Variants in SYN3 observed in about 807,000 individuals in gnomAD.
SYN3 encodes the protein synapsin-3.
SYN3 carries 35 observed loss-of-function variants against 65.8 expected under a neutral mutation model. The ratio of observed to expected loss-of-function variants is 0.53; its 90% CI spans 0.41 to 0.70. The LOEUF is 0.70. SYN3 is among the 30% of genes least tolerant of loss of function. SYN3 has a pLI of 0.00. For synonymous variants in SYN3, 270 were observed against 292.9 expected (o/e 0.92, Z 0.80); for missense variants, 680 against 749.0 (o/e 0.91, Z 1.08).
rs144948985 is a variant in SYN3, at chr22:32,507,864, T to G, written c.*5828A>C. On this transcript the variant is annotated 3_prime_UTR_variant, in exon 14 of 14. Transcript: ENST00000358763. ...TACACAACAAATGTTTCTTCTAACATCCCCACAATATCACCCCTTACCACG... is the reference window on the plus strand; with the variant it reads ...TACACAACAAATGTTTCTTCTAACAGCCCCACAATATCACCCCTTACCACG... Among the ~76,000 whole-genome samples the G allele has an allele frequency of 8.6e-5, 13 of 151,632 alleles. No individual in the cohort carries two copies. The highest frequency in any genetic ancestry group is 1.2e-4 in the Non-Finnish European group (8 of 67,990).
intron 7 of SYN3, among the ~76,000 whole-genome samples, chr22:32,586,059 TGTATATATGTATAC>T (rs2059032523): frequency 7.2e-6 from 1 of 138,412 alleles, no homozygotes; most frequent in African/African-American, 2.5e-5. Flanking sequence ...TATGTGTATA[TGTATATATGTATAC>T]ATGTATACAT....
At chr22:32,693,391 C>T (rs1020633907) in intron 6 of SYN3, among the ~76,000 whole-genome samples, 3 of 152,038 alleles carry the variant, frequency 2.0e-5, no homozygotes, top group Non-Finnish European at 4.4e-5. Context: ...GACGAGATTT[C>T]GTCGTGCTAC....
At chr22:32,802,208 T>C in intron 6 of SYN3, 3 of 1,505,596 alleles carry the variant, frequency 2.0e-6, no homozygotes, top group Non-Finnish European at 2.7e-6. Context: ...GCCCCACTCC[T>C]TTCCTCTGCC....
Position 33,006,755 on chromosome 22 carries a change from G to C in SYN3, c.-93C>G. The C allele has an allele frequency of 1.5e-6, 2 of 1,335,410 alleles. No individual in the cohort carries two copies. Among genetic ancestry groups the C allele is most frequent in the Non-Finnish European group, 2.0e-6 (2 of 978,450 alleles). 82.7% of individuals were successfully genotyped at this position (1,335,410 alleles called of 1,614,324 possible). A position where few individuals can be genotyped will look rare whatever the true frequency, so the allele number is the denominator to read the frequency against. On this transcript the variant is annotated 5_prime_UTR_variant, in exon 2 of 14. Transcript: ENST00000358763. ...TGCTGCCAGGTACAGGGAGTGGTAG[G>C]ACTTTAGCCAGAAGAGCCAGGGGGA...
chr22:32,736,701 G>A (rs1461689890), intron 6 of SYN3, among the ~76,000 whole-genome samples: 1 of 152,130 alleles, frequency 6.6e-6, no homozygotes, highest in Non-Finnish European at 1.5e-5. Context: ...GAATCATGCT[G>A]TACTGTCTCC....
chr22:32,695,720 A>G (rs2060727032), intron 6 of SYN3, among the ~76,000 whole-genome samples: 1 of 152,104 alleles, frequency 6.6e-6, no homozygotes, highest in Non-Finnish European at 1.5e-5. Flanking sequence ...GGTTTGTACT[A>G]CTGGCTATCC....
In SYN3 at chr22:32,692,447, T is replaced by A. The variant is rs1380148656; in HGVS notation, c.712-95711A>T. ...CCTTTGCTTTATTCTGCATCATTTC[T>A]GACTCCAGCACAGCGTGTTTATTAG... On this transcript the variant is annotated intron_variant, in intron 6 of 13. Transcript: ENST00000358763. Among the ~76,000 whole-genome samples the A allele has an allele frequency of 3.3e-5, 5 of 152,336 alleles. No homozygotes were observed. The South Asian group carries it at 8.3e-4, about 25-fold the overall frequency.
intron 4 of SYN3, among the ~76,000 whole-genome samples, chr22:32,898,507 G>A (rs2049663245): frequency 1.3e-5 from 2 of 152,158 alleles, no homozygotes; most frequent in African/African-American, 4.8e-5. Flanking sequence ...CTGCAGCAAG[G>A]CACTGTGCCC....
intron 7 of SYN3, among the ~76,000 whole-genome samples, chr22:32,569,848 G>C (rs2058735681): frequency 6.6e-6 from 1 of 152,116 alleles, no homozygotes; most frequent in Admixed American, 6.5e-5. Context: ...CCAATGATTT[G>C]AACAGTGCCA....
chr22:32,830,734 C>T (rs1018576568), intron 6 of SYN3, among the ~76,000 whole-genome samples: 1 of 152,108 alleles, frequency 6.6e-6, no homozygotes, highest in Non-Finnish European at 1.5e-5. Context: ...TTTCCTGTAC[C>T]CAGGCCTGGG....
In SYN3 at chr22:32,800,873, C is replaced by T. The variant is rs369695383; in HGVS notation, c.711+64042G>A. Among the ~76,000 whole-genome samples, 7 of 152,344 alleles carry T rather than the reference C, an allele frequency of 4.6e-5. No individual in the cohort carries two copies. The East Asian group carries it at 1.2e-3, about 25-fold the overall frequency. On this transcript the variant is annotated intron_variant, in intron 6 of 13. Coordinates refer to ENST00000358763, the MANE Select transcript of SYN3 (RefSeq NM_003490.4). ...TGTCCACTTCTCAGCGAGGATGGCACTTCAGGGAGCCCTTCCCTTACTATC... is the reference window on the plus strand; with the variant it reads ...TGTCCACTTCTCAGCGAGGATGGCATTTCAGGGAGCCCTTCCCTTACTATC...
chr22:32,881,777 C>T (rs1200858059), intron 4 of SYN3, among the ~76,000 whole-genome samples: 5 of 152,012 alleles, frequency 3.3e-5, no homozygotes, highest in Non-Finnish European at 7.4e-5. Context: ...ACCTTGAGGC[C>T]GGGCACAGTG....
chr22:32,627,898 G>C (rs538872265), intron 6 of SYN3, among the ~76,000 whole-genome samples: 1 of 151,992 alleles, frequency 6.6e-6, no homozygotes, highest in African/African-American at 2.4e-5. Context: ...GCACCATCTC[G>C]GCTCACTGCA....
intron 6 of SYN3, among the ~76,000 whole-genome samples, chr22:32,753,181 C>G (rs1185025001): frequency 6.6e-6 from 1 of 152,134 alleles, no homozygotes; most frequent in Non-Finnish European, 1.5e-5. Flanking sequence ...GAAAACCAAA[C>G]AGTAGAGCCT....
chr22:32,900,490 A>T (rs2049727363), intron 4 of SYN3, among the ~76,000 whole-genome samples: 2 of 152,344 alleles, frequency 1.3e-5, no homozygotes, highest in Middle Eastern at 3.4e-3. Context: ...TGTTCTTCTA[A>T]GGGATTTGGC....
chr22:32,998,944 G>A (rs1033585342), intron 2 of SYN3, among the ~76,000 whole-genome samples: 1 of 152,092 alleles, frequency 6.6e-6, no homozygotes, highest in Non-Finnish European at 1.5e-5. Context: ...CTGTGTTCCT[G>A]AACCCTAAGG....
At chr22:32,945,819 T>C (rs2051089995) in intron 3 of SYN3, among the ~76,000 whole-genome samples, 1 of 152,168 alleles carries the variant, frequency 6.6e-6, no homozygotes, top group Non-Finnish European at 1.5e-5. Context: ...ATCCAGAATC[T>C]ACAAAGTACT....
chr22:32,890,812 G>T (rs62234169), intron 4 of SYN3, among the ~76,000 whole-genome samples: 15,839 of 151,596 alleles, frequency 0.1, 925 homozygotes, highest in East Asian at 0.16. Flanking sequence ...TATATATAGA[G>T]AGAGAGAGAG....
At chr22:32,869,478 T>C (rs966391694) in intron 4 of SYN3, among the ~76,000 whole-genome samples, 5 of 151,918 alleles carry the variant, frequency 3.3e-5, no homozygotes, top group Non-Finnish European at 7.4e-5. Flanking sequence ...CGCACTCTAC[T>C]GAATGTATGT....
Sources: gnomAD v4.1 joint callset for allele counts (sites outside exome capture counted in the v4.1 genomes callset) on GRCh38, gnomAD v4.1.1 for gene constraint, MANE v1.5 for transcripts, NCBI Gene and HGNC (gene_info 2026-07-23, HGNC 2026-07-21) for gene names.